Variants in GATA1 observed in about 807,000 individuals in gnomAD.
The protein encoded by GATA1 is erythroid transcription factor.
In GATA1, 2 loss-of-function variants were observed where a neutral mutation model predicts 18.9. That is an observed-to-expected ratio of 0.11 (90% CI 0.04 to 0.33). The LOEUF is 0.33. Among genes scored for constraint, GATA1 ranks in the 10% least tolerant of loss-of-function variants. The pLI is 1.00. For missense variants in GATA1, 272 were observed against 344.7 expected (o/e 0.79, Z 1.67); for synonymous variants, 152 against 149.1 (o/e 1.02, Z -0.14).
At chrX:48,788,849 A>C (rs975611305) in intron 1 of GATA1, among the ~76,000 whole-genome samples, 21 of 110,784 alleles carry the variant, frequency 1.9e-4, no homozygotes, top group African/African-American at 6.9e-4. Flanking sequence ...AAAGAGAGGG[A>C]AACAGAGGGA....
intron 1 of GATA1, among the ~76,000 whole-genome samples, chrX:48,787,109 C>G (rs2062660818): frequency 9.1e-6 from 1 of 110,459 alleles, no homozygotes; most frequent in African/African-American, 3.3e-5. Context: ...TTGCCCCACT[C>G]TCTCTGAGCC....
Position 48,791,874 on chromosome X carries a change from T to C in GATA1, c.251T>C (p.Met84Thr). 8.3e-7 allele frequency: 1 copy of C among 1,211,814 alleles called. No individual in the cohort carries two copies. ...VFQVYPLLNCMEGIPGGSPYA... is the reference protein window; with the variant it reads ...VFQVYPLLNCTEGIPGGSPYA... ...CAGGTGTACCCATTGCTCAACTGTA[T>C]GGAGGGGATCCCAGGGGGCTCACCA... is the stretch of plus-strand genomic sequence containing the variant. The change falls in exon 3 of 6, where the codon ATG becomes ACG. Residue 84 changes from methionine (M) to threonine (T), a missense_variant. By Grantham distance (81) the Met-to-Thr change is moderately conservative. Coordinates refer to ENST00000376670, the MANE Select transcript of GATA1 (RefSeq NM_002049.4).
intron 1 of GATA1, among the ~76,000 whole-genome samples, chrX:48,788,510 A>G (rs782230329): frequency 9.0e-6 from 1 of 111,704 alleles, no homozygotes; most frequent in Non-Finnish European, 1.9e-5. Flanking sequence ...CACTCTCTTC[A>G]GAGAGCAACA....
chrX:48,787,051 TCA>T (rs1205653491), intron 1 of GATA1, among the ~76,000 whole-genome samples: 1 of 109,718 alleles, frequency 9.1e-6, no homozygotes, highest in Non-Finnish European at 1.9e-5. Flanking sequence ...CCTCCAAACC[TCA>T]CTTTTCTGCT....
At chrX:48,793,561 C>T (rs1021999403) in intron 5 of GATA1, among the ~76,000 whole-genome samples, 1 of 106,594 alleles carries the variant, frequency 9.4e-6, no homozygotes, top group Admixed American at 1.0e-4. Context: ...TCCTCTCCCC[C>T]ACCTCCAGGC....
intron 3 of GATA1, 36 bp downstream of exon 3, chrX:48,792,257 G>A: frequency 2.5e-6 from 3 of 1,211,803 alleles, no homozygotes; most frequent in Middle Eastern, 2.3e-4. Context: ...AAGTTGAGGT[G>A]GGAGGGGTGG....
intron 1 of GATA1, among the ~76,000 whole-genome samples, chrX:48,789,032 C>T (rs373192582): frequency 1.8e-5 from 2 of 112,406 alleles, no homozygotes; most frequent in African/African-American, 6.5e-5. Flanking sequence ...AGAGGTCGGG[C>T]GCAGTGGCTC....
At position 48,791,914 on chromosome X, in the gene GATA1, C is replaced by A. The variant is rs1377826601; in HGVS notation, c.291C>A (p.Ala97=). 1.7e-6 allele frequency: 2 copies of A among 1,210,278 alleles called. No individual in the cohort carries two copies. Among genetic ancestry groups the A allele is most frequent in the African/African-American group, 1.7e-5 (1 of 57,301 alleles). Residue 97 remains alanine (A), a synonymous_variant, in exon 3 of 6, where the codon GCC becomes GCA. Transcript: ENST00000376670. ...GGGGCTCACCATATGCCGGCTGGGC[C>A]TACGGCAAGACGGGGCTCTACCCTG... ...IPGGSPYAGW[A]YGKTGLYPAS...
Position 48,792,039 on chromosome X carries a change from A to G in GATA1, c.416A>G (p.Glu139Gly), listed in dbSNP as rs1402472937. The G allele has an allele frequency of 8.3e-7, 1 of 1,209,957 alleles. No homozygotes were observed. The highest frequency in any genetic ancestry group is 1.1e-6 in the Non-Finnish European group (1 of 895,093). Residue 139 changes from glutamate (E) to glycine (G), a missense_variant, in exon 3 of 6, where the codon GAG becomes GGG. Physicochemically the swap from Glu to Gly is moderately conservative, Grantham distance 98 (BLOSUM62 -2). This residue lies in a region of GATA1 where 147 missense variants were observed against 157.4 expected (regional missense o/e 0.93). Transcript: ENST00000376670. The stretch of plus-strand genomic sequence containing the variant: ...AGCTTCCTGGAGACTTTGAAGACAG[A>G]GCGGCTGAGCCCAGACCTCCTGACC... The part of the protein sequence containing the change: ...STSFLETLKT[E>G]RLSPDLLTLG...
In GATA1 at chrX:48,793,814, C is replaced by T. The variant is rs1060501251; in HGVS notation, c.892C>T (p.Arg298Trp). 4.1e-6 allele frequency: 5 copies of T among 1,210,675 alleles called. No homozygotes were observed. The highest frequency in any genetic ancestry group is 3.0e-5 in the East Asian group (1 of 33,824). ...GCAGGTGAACCGGCCACTGACCATG[C>T]GGAAGGATGGTATTCAGACTCGAAA... ...LHQVNRPLTM[R>W]KDGIQTRNRK... The change falls in exon 6 of 6, where the codon CGG (arginine) becomes TGG (tryptophan). Residue 298 changes from arginine (R) to tryptophan (W), a missense_variant. Coordinates refer to ENST00000376670, the MANE Select transcript of GATA1 (RefSeq NM_002049.4).
intron 3 of GATA1, 43 bp from the exon 4 acceptor site, chrX:48,792,280 C>G (rs2062677714): frequency 1.7e-6 from 2 of 1,211,866 alleles, no homozygotes; most frequent in Non-Finnish European, 2.2e-6. Context: ...CAAAGTAAAG[C>G]TGAGCTGAGC....
chrX:48,790,272 G>A (rs1408694490), intron 1 of GATA1, among the ~76,000 whole-genome samples: 1 of 108,833 alleles, frequency 9.2e-6, no homozygotes, highest in African/African-American at 3.4e-5. Flanking sequence ...GGGCAACAGA[G>A]TCATACCCCA....
chrX:48,786,908 G>A (rs1343918090), intron 1 of GATA1, among the ~76,000 whole-genome samples: 2 of 109,786 alleles, frequency 1.8e-5, no homozygotes, highest in African/African-American at 3.3e-5. Context: ...CACTTTGCTC[G>A]CTATACCCCT....
chrX:48,793,513 C>T (rs1465866786), intron 5 of GATA1, among the ~76,000 whole-genome samples: 3 of 100,046 alleles, frequency 3.0e-5, no homozygotes, highest in African/African-American at 1.1e-4. Flanking sequence ...TCCCTCCTTC[C>T]TTCTCCATTC....
chrX:48,792,147 C>T lies in GATA1; in HGVS notation c.524C>T (p.Pro175Leu). ...GACTTTTCCAGTACCTTCTTTTCTCCCACCGGGAGCCCCCTCAATTCAGCA... is the reference window on the plus strand; with the variant it reads ...GACTTTTCCAGTACCTTCTTTTCTCTCACCGGGAGCCCCCTCAATTCAGCA... ...GPDFSSTFFS[P>L]TGSPLNSAAY... Residue 175 changes from proline (P) to leucine (L), a missense_variant, in exon 3 of 6, where the codon CCC (proline) becomes CTC (leucine). Pro to Leu is a moderately conservative substitution (Grantham distance 98). This residue lies in a region of GATA1 where 147 missense variants were observed against 157.4 expected (regional missense o/e 0.93). Transcript: ENST00000376670. 8.3e-7 allele frequency: 1 copy of T among 1,211,289 alleles called. No individual in the cohort carries two copies.
Position 48,793,255 on chromosome X carries a change from T to G in GATA1, c.828T>G (p.Asp276Glu). Reference sequence around the variant, plus strand: ...TGTGGCGGAGAAATGCCAGTGGGGATCCCGTGTGCAATGCCTGCGGCCTCT... The same window carrying G: ...TGTGGCGGAGAAATGCCAGTGGGGAGCCCGTGTGCAATGCCTGCGGCCTCT... ...TTLWRRNASGDPVCNACGLYY... is the reference protein window; with the variant it reads ...TTLWRRNASGEPVCNACGLYY... The change falls in exon 5 of 6, where the codon GAT becomes GAG. Residue 276 changes from aspartate (D) to glutamate (E), a missense_variant. This residue lies in a region of GATA1 where 42 missense variants were observed against 103.2 expected (regional missense o/e 0.41). Coordinates refer to ENST00000376670, the MANE Select transcript of GATA1 (RefSeq NM_002049.4). 8.3e-7 allele frequency: 1 copy of G among 1,209,214 alleles called. No homozygotes were observed. The highest frequency in any genetic ancestry group is 1.1e-6 in the Non-Finnish European group (1 of 894,515).
chrX:48,789,736 C>G (rs913267007), intron 1 of GATA1, among the ~76,000 whole-genome samples: 1 of 110,623 alleles, frequency 9.0e-6, no homozygotes, highest in East Asian at 2.8e-4. Flanking sequence ...GGTACTGACC[C>G]CCCCCCAACC....
chrX:48,793,074 G>A, intron 4 of GATA1, 98 bp from the exon 5 acceptor site: 2 of 966,082 alleles, frequency 2.1e-6, no homozygotes, highest in Non-Finnish European at 2.9e-6. Flanking sequence ...CCTTCAACCT[G>A]ACCCTCACTT....
rs781868496 is a variant in GATA1 at position 48,791,364 on chromosome X, G to A, written c.220+35G>A. On this transcript the variant is annotated intron_variant, in intron 2 of 5. Transcript: ENST00000376670. ...TTGAGTGGCTGTCTTGGCATTGGCT[G>A]AGTGCTGTTGGGGTTGCCATGGAGA... is the stretch of plus-strand genomic sequence containing the variant. 2.3e-5 allele frequency: 26 copies of A among 1,117,238 alleles called. No individual in the cohort carries two copies. The South Asian group carries it at 5.0e-4, about 21-fold the overall frequency. 92.1% of individuals were successfully genotyped at this position (1,117,238 alleles called of 1,213,427 possible).
Sources: allele counts gnomAD v4.1 joint callset (sites outside exome capture counted in the v4.1 genomes callset), GRCh38; gene constraint gnomAD v4.1.1; regional missense constraint gnomAD v4.1.1; transcripts MANE v1.5; gene names NCBI Gene and HGNC (gene_info 2026-07-23, HGNC 2026-07-21).